Variants in NETO1 observed in about 807,000 individuals in gnomAD.
The protein encoded by NETO1 is neuropilin and tolloid-like protein 1.
Under a neutral mutation model 61.3 loss-of-function variants are expected in NETO1, and 26 were observed. That is an observed-to-expected ratio of 0.42 (90% CI 0.31 to 0.59). NETO1 has a LOEUF of 0.59. NETO1 is among the 20% of genes least tolerant of loss of function. The pLI, the probability that NETO1 is intolerant of heterozygous loss-of-function variation, is 0.12. For synonymous variants in NETO1, 225 were observed against 225.8 expected (o/e 1.00, Z 0.03); for missense variants, 531 against 662.8 (o/e 0.80, Z 2.18).
intron 4 of NETO1, among the ~76,000 whole-genome samples, chr18:72,797,560 T>C (rs1248078758): frequency 6.6e-6 from 1 of 152,220 alleles, no homozygotes; most frequent in African/African-American, 2.4e-5. Context: ...AGACACACGA[T>C]AACGTTGGAC....
chr18:72,864,796 G>T lies in NETO1; in HGVS notation c.220+12C>A. ...TTAGTGCTTTCTTAACTCTGGCACT[G>T]TCTCCCCTTACCTTCTATGATGTAG... On this transcript the variant is annotated intron_variant, in intron 3 of 10. Transcript: ENST00000327305. 6.2e-7 allele frequency: 1 copy of T among 1,613,688 alleles called. No homozygotes were observed. Among genetic ancestry groups the T allele is most frequent in the South Asian group, 1.1e-5 (1 of 90,924 alleles).
At chr18:72,784,220 A>C (rs2145232116) in intron 6 of NETO1, among the ~76,000 whole-genome samples, 2 of 151,768 alleles carry the variant, frequency 1.3e-5, no homozygotes, top group African/African-American at 4.8e-5. Context: ...ACACTGTTTT[A>C]CTTTGATTAG....
rs536385714 is a variant in NETO1 at position 72,807,732 on chromosome 18, A to G, written c.470-13328T>C. On this transcript the variant is annotated intron_variant, in intron 4 of 10. Coordinates refer to ENST00000327305, the MANE Select transcript of NETO1 (RefSeq NM_138966.5). ...AAGACAAGAACACACACACACACAC[A>G]CACACACACACACACACACACACCC... 1.1e-3 allele frequency among the ~76,000 whole-genome samples: 52 copies of G among 47,298 alleles called. No homozygotes were observed. In the South Asian group the frequency reaches 0.064, roughly 58 times the overall value. 31.0% of individuals were successfully genotyped at this position (47,298 alleles called of 152,430 possible).
intron 4 of NETO1, among the ~76,000 whole-genome samples, chr18:72,836,149 A>C (rs2073741318): frequency 6.6e-6 from 1 of 152,168 alleles, no homozygotes; most frequent in African/African-American, 2.4e-5. Flanking sequence ...GCCTTCTTTT[A>C]GAGCCCAGAC....
At chr18:72,743,177 A>C (rs2070368362), downstream of NETO1, among the ~76,000 whole-genome samples, 1 of 152,166 alleles carries the variant, frequency 6.6e-6, no homozygotes, top group African/African-American at 2.4e-5. Flanking sequence ...AGAAATCATG[A>C]TGTAAACTCA....
intron 4 of NETO1, among the ~76,000 whole-genome samples, chr18:72,857,173 C>T (rs1250038398): frequency 6.6e-6 from 1 of 152,158 alleles, no homozygotes; most frequent in Non-Finnish European, 1.5e-5. Context: ...TCTAGTTGAT[C>T]TGAGTAAAAA....
chr18:72,803,202 G>C (rs1433288005), intron 4 of NETO1, among the ~76,000 whole-genome samples: 1 of 152,208 alleles, frequency 6.6e-6, no homozygotes, highest in African/African-American at 2.4e-5. Flanking sequence ...GCACTTGACA[G>C]CTTCCCAACG....
chr18:72,755,086 G>T (rs183375771), intron 8 of NETO1, among the ~76,000 whole-genome samples: 3 of 152,258 alleles, frequency 2.0e-5, no homozygotes, highest in Admixed American at 6.5e-5. Flanking sequence ...CACATTTGTT[G>T]CATGTCAAAT....
At chr18:72,846,504 CAAAAAAA>C (rs35252443) in intron 4 of NETO1, among the ~76,000 whole-genome samples, 7 of 12,996 alleles carry the variant, frequency 5.4e-4, no homozygotes, top group East Asian at 6.6e-3. Context: ...GACTTCATCT[CAAAAAAA>C]AAAAAAAAAA....
chr18:72,778,081 T>C (rs565287002), intron 7 of NETO1, among the ~76,000 whole-genome samples: 1 of 152,214 alleles, frequency 6.6e-6, no homozygotes, highest in African/African-American at 2.4e-5. Context: ...GGAAGACTAC[T>C]GCCAGAAAGT....
At chr18:72,819,796 CA>C (rs1365470283) in intron 4 of NETO1, among the ~76,000 whole-genome samples, 1 of 151,722 alleles carries the variant, frequency 6.6e-6, no homozygotes, top group African/African-American at 2.4e-5. Flanking sequence ...TAAAACTTAC[CA>C]AAAGTGAAAA....
chr18:72,748,839 G>T (rs373152083), intron 10 of NETO1, among the ~76,000 whole-genome samples, 175 bp downstream of exon 10: 1 of 151,972 alleles, frequency 6.6e-6, no homozygotes, highest in African/African-American at 2.4e-5. Context: ...TATGTATCCC[G>T]AGAATCATCT....
chr18:72,819,390 A>G (rs987043915), intron 4 of NETO1, among the ~76,000 whole-genome samples: 1 of 152,222 alleles, frequency 6.6e-6, no homozygotes, highest in Non-Finnish European at 1.5e-5. Flanking sequence ...AAAGAGCTCT[A>G]TAATTGCTGA....
intron 4 of NETO1, among the ~76,000 whole-genome samples, chr18:72,840,702 CAGATAAA>C (rs2145473879): frequency 6.6e-6 from 1 of 152,128 alleles, no homozygotes; most frequent in African/African-American, 2.4e-5. Flanking sequence ...ACCAACCATT[CAGATAAA>C]AGATTGTGGC....
In NETO1 at chr18:72,846,340, T is replaced by TA. The variant is rs548324902; in HGVS notation, c.469+12485dup. On this transcript the variant is annotated intron_variant, in intron 4 of 10. Coordinates refer to ENST00000327305, the MANE Select transcript of NETO1 (RefSeq NM_138966.5). The stretch of plus-strand genomic sequence containing the variant: ...CAATATGGTGAAATCCCGTCTCTAC[T>TA]AAAAAAATTAAAAAATTAGCTGGGC... 1.8e-3 allele frequency among the ~76,000 whole-genome samples: 275 copies of TA among 151,198 alleles called. 2 individuals are homozygous for TA. Among genetic ancestry groups the TA allele is most frequent in the Non-Finnish European group, 3.3e-3 (226 of 67,760 alleles).
chr18:72,810,748 C>T (rs927601292), intron 4 of NETO1, among the ~76,000 whole-genome samples: 3 of 152,156 alleles, frequency 2.0e-5, no homozygotes, highest in Non-Finnish European at 4.4e-5. Flanking sequence ...AGAACAAGAG[C>T]ATGGAAGGTG....
At chr18:72,824,727 A>G (rs1374205849) in intron 4 of NETO1, among the ~76,000 whole-genome samples, 1 of 151,422 alleles carries the variant, frequency 6.6e-6, no homozygotes, top group African/African-American at 2.4e-5. Context: ...AAAACAAACA[A>G]AAAAAGCCAG....
chr18:72,763,582 A>G (rs745476360), intron 7 of NETO1, among the ~76,000 whole-genome samples: 1 of 140,108 alleles, frequency 7.1e-6, no homozygotes, highest in Non-Finnish European at 1.6e-5. Flanking sequence ...AAACTCATAC[A>G]CCACACACAC....
intron 7 of NETO1, among the ~76,000 whole-genome samples, chr18:72,763,990 G>A (rs916225744): frequency 1.2e-4 from 18 of 152,116 alleles, no homozygotes; most frequent in Admixed American, 1.2e-3. Flanking sequence ...AGCGAAGGGG[G>A]AAACCCCTTA....
Sources: allele counts gnomAD v4.1 joint callset (sites outside exome capture counted in the v4.1 genomes callset), GRCh38; gene constraint gnomAD v4.1.1; transcripts MANE v1.5; gene names NCBI Gene and HGNC (gene_info 2026-07-23, HGNC 2026-07-21).